Variants in PLCB4 observed in about 807,000 individuals in gnomAD.
PLCB4 encodes the protein phospholipase C beta 4.
PLCB4 carries 77 observed loss-of-function variants against 178.8 expected under a neutral mutation model. That is an observed-to-expected ratio of 0.43 (90% CI 0.36 to 0.52). The LOEUF (loss-of-function observed/expected upper bound fraction) is 0.52, where lower values mean the gene tolerates loss of function less well. PLCB4 is among the 20% of genes least tolerant of loss of function. The probability of loss-of-function intolerance (pLI) is 0.00; values close to 1 mark genes in which losing one functional copy is unlikely to be tolerated. For synonymous variants in PLCB4, 496 were observed against 490.8 expected (o/e 1.01, Z -0.14); for missense variants, 1,024 against 1,453.4 (o/e 0.70, Z 4.80).
At chr20:9,227,916 A>G (rs1054865152) in intron 3 of PLCB4, among the ~76,000 whole-genome samples, 1 of 151,698 alleles carries the variant, frequency 6.6e-6, no homozygotes, top group African/African-American at 2.4e-5. Flanking sequence ...GGAGAAAGCA[A>G]CTCCAGTAAA....
intron 2 of PLCB4, among the ~76,000 whole-genome samples, chr20:9,104,084 C>A (rs2146648515): frequency 6.6e-6 from 1 of 152,204 alleles, no homozygotes; most frequent in African/African-American, 2.4e-5. Context: ...AGAGAAAGCT[C>A]ATCTCTGCCC....
chr20:9,113,710 A>G (rs1371339959), intron 2 of PLCB4, among the ~76,000 whole-genome samples: 1 of 152,222 alleles, frequency 6.6e-6, no homozygotes, highest in Non-Finnish European at 1.5e-5. Context: ...ATAATGCCAA[A>G]CATAATTAAA....
intron 3 of PLCB4, among the ~76,000 whole-genome samples, chr20:9,248,989 C>T (rs916022478): frequency 6.6e-6 from 1 of 152,172 alleles, no homozygotes; most frequent in African/African-American, 2.4e-5. Context: ...TTTCCAGCTT[C>T]TAGCAGTTGC....
At chr20:9,101,262 G>A (rs143562709) in intron 2 of PLCB4, among the ~76,000 whole-genome samples, 35 of 152,254 alleles carry the variant, frequency 2.3e-4, no homozygotes, top group African/African-American at 7.7e-4. Flanking sequence ...GGGACAAGGC[G>A]TCGAAACCCC....
intron 35 of PLCB4, among the ~76,000 whole-genome samples, chr20:9,461,683 G>A (rs1173052183): frequency 6.6e-6 from 1 of 152,230 alleles, no homozygotes; most frequent in African/African-American, 2.4e-5. Flanking sequence ...CGAACCGTGA[G>A]GCAGCAACCT....
At chr20:9,202,872 T>C (rs540245081) in intron 2 of PLCB4, among the ~76,000 whole-genome samples, 2 of 152,128 alleles carry the variant, frequency 1.3e-5, no homozygotes, top group South Asian at 4.2e-4. Flanking sequence ...CTCAGGGCTC[T>C]GACATCAGCA....
intron 2 of PLCB4, among the ~76,000 whole-genome samples, chr20:9,213,812 C>A (rs2147255454): frequency 6.6e-6 from 1 of 152,258 alleles, no homozygotes; most frequent in Admixed American, 6.5e-5. Flanking sequence ...TCTCTAAATT[C>A]TTGTCAACAC....
chr20:9,090,218 A>T (rs1254010305), intron 1 of PLCB4, among the ~76,000 whole-genome samples: 1 of 69,188 alleles, frequency 1.4e-5, no homozygotes, highest in Non-Finnish European at 3.1e-5. Flanking sequence ...AATTGAGAAT[A>T]CTATTTATGT....
chr20:9,371,159 G>C, intron 9 of PLCB4, 55 bp from the exon 10 acceptor site: 1 of 1,129,158 alleles, frequency 8.9e-7, no homozygotes, highest in Non-Finnish European at 1.4e-6. Flanking sequence ...CTTTGCATCA[G>C]AGAAAACATA....
Position 9,209,856 on chromosome 20 carries a change from C to T in PLCB4, c.-78-7534C>T, listed in dbSNP as rs939655552. Among the ~76,000 whole-genome samples the T allele has an allele frequency of 1.2e-4, 18 of 147,492 alleles. 1 individual carries two copies. The South Asian group carries it at 2.4e-3, about 19-fold the overall frequency. On this transcript the variant is annotated intron_variant, in intron 2 of 39. Transcript: ENST00000378473. ...GCGGGCGCCTGTAGTCCCAGTTACTCGGGAAGCTGAGGCAGGAGAATGGCG... is the reference window on the plus strand; with the variant it reads ...GCGGGCGCCTGTAGTCCCAGTTACTTGGGAAGCTGAGGCAGGAGAATGGCG...
Position 9,362,701 on chromosome 20 carries a change from A to G in PLCB4, c.370-195A>G, listed in dbSNP as rs540825348. Among the ~76,000 whole-genome samples, 12 of 152,334 alleles carry G rather than the reference A, an allele frequency of 7.9e-5. No homozygotes were observed. In the South Asian group the frequency reaches 2.5e-3, roughly 32 times the overall value. ...CACAATAGATGGCACATTTGTCTTC[A>G]TGGAAAGAATGAAAGCTGTTTATTA... On this transcript the variant is annotated intron_variant, in intron 7 of 39. Coordinates refer to ENST00000378473, the MANE Select transcript of PLCB4 (RefSeq NM_001377142.1).
At chr20:9,395,823 T>C (rs2148439332) in intron 19 of PLCB4, among the ~76,000 whole-genome samples, 1 of 152,104 alleles carries the variant, frequency 6.6e-6, no homozygotes, top group South Asian at 2.1e-4. Context: ...AAATAAAATA[T>C]TAGCCAGACG....
At chr20:9,072,068 A>G (rs1451620291) in intron 1 of PLCB4, among the ~76,000 whole-genome samples, 1 of 152,214 alleles carries the variant, frequency 6.6e-6, no homozygotes, top group Non-Finnish European at 1.5e-5. Context: ...TTTTCACCTC[A>G]TAATATATGA....
intron 4 of PLCB4, among the ~76,000 whole-genome samples, chr20:9,336,731 CAA>C (rs66471977): frequency 0.082 from 9,945 of 120,570 alleles, 353 homozygotes; most frequent in Middle Eastern, 0.11. Flanking sequence ...ATTTTACAGA[CAA>C]AAAAAAAAAA....
intron 2 of PLCB4, among the ~76,000 whole-genome samples, chr20:9,170,569 A>G (rs1280918510): frequency 1.3e-5 from 2 of 152,190 alleles, no homozygotes; most frequent in African/African-American, 4.8e-5. Flanking sequence ...TTTCCTACGA[A>G]GATTGTGTTT....
intron 14 of PLCB4, 30 bp from the exon 15 acceptor site, chr20:9,387,433 T>C (rs781727970): frequency 1.1e-4 from 121 of 1,100,886 alleles, no homozygotes; most frequent in Non-Finnish European, 1.6e-4. Context: ...ATTGTAAAGT[T>C]TCAATATTGT....
At chr20:9,409,824 T>G (rs2039728417) in intron 24 of PLCB4, among the ~76,000 whole-genome samples, 1 of 152,130 alleles carries the variant, frequency 6.6e-6, no homozygotes, top group Non-Finnish European at 1.5e-5. Context: ...TTAAAATTTT[T>G]GAGGTTTGCT....
At chr20:9,167,967 G>A (rs772647219) in intron 2 of PLCB4, among the ~76,000 whole-genome samples, 45 of 152,264 alleles carry the variant, frequency 3.0e-4, no homozygotes, top group Non-Finnish European at 5.1e-4. Context: ...TGAATAATAT[G>A]CAACATTCTA....
In PLCB4 at chr20:9,421,281, G is replaced by T. The variant is rs6056608; in HGVS notation, c.2155-16G>T. 6.3e-7 allele frequency: 1 copy of T among 1,589,930 alleles called. No individual in the cohort carries two copies. The highest frequency in any genetic ancestry group is 2.3e-5 in the East Asian group (1 of 44,312). Reference sequence around the variant, plus strand: ...ACAGAGCTTACTTCTCTTTGCTCTCGTTCGTGCTGCTACAGGTTATATCAG... The same window carrying T: ...ACAGAGCTTACTTCTCTTTGCTCTCTTTCGTGCTGCTACAGGTTATATCAG... On this transcript the variant is annotated splice_polypyrimidine_tract_variant and intron_variant, in intron 26 of 39. Transcript: ENST00000378473.
Sources: gnomAD v4.1 joint callset for allele counts (sites outside exome capture counted in the v4.1 genomes callset) on GRCh38, gnomAD v4.1.1 for gene constraint, MANE v1.5 for transcripts, NCBI Gene and HGNC (gene_info 2026-07-23, HGNC 2026-07-21) for gene names.